POU2AF1: variants seen among roughly 807,000 people sequenced by gnomAD.
POU2AF1 encodes the protein POU domain class 2-associating factor 1.
A neutral mutation model predicts 26.3 loss-of-function variants in POU2AF1; 12 were observed. The ratio of observed to expected loss-of-function variants is 0.46; its 90% CI spans 0.29 to 0.74. The LOEUF (loss-of-function observed/expected upper bound fraction) is 0.74. Among genes scored for constraint, POU2AF1 ranks in the 30% least tolerant of loss-of-function variants. The pLI, the probability that POU2AF1 is intolerant of heterozygous loss-of-function variation, is 0.09. For synonymous variants in POU2AF1, 175 were observed against 148.0 expected (o/e 1.18, Z -1.32); for missense variants, 297 against 334.5 (o/e 0.89, Z 0.87).
chr11:111,358,572 ACACT>A (rs1169386220), intron 2 of POU2AF1, among the ~76,000 whole-genome samples: 37 of 146,202 alleles, frequency 2.5e-4, no homozygotes, highest in South Asian at 8.7e-4. Flanking sequence ...ATACACTCAC[ACACT>A]CACACTCCCT....
chr11:111,372,292 T>C (rs1759265659), intron 1 of POU2AF1, among the ~76,000 whole-genome samples: 1 of 152,098 alleles, frequency 6.6e-6, no homozygotes, highest in African/African-American at 2.4e-5. Context: ...TAAAATATCT[T>C]CAAACTGTCC....
intron 1 of POU2AF1, among the ~76,000 whole-genome samples, chr11:111,374,033 G>T (rs904739147): frequency 6.6e-6 from 1 of 151,656 alleles, no homozygotes; most frequent in East Asian, 1.9e-4. Flanking sequence ...ACTTTGTAAT[G>T]GGAAAGTTAA....
At chr11:111,366,895 A>T (rs1449356406) in intron 1 of POU2AF1, among the ~76,000 whole-genome samples, 1 of 152,144 alleles carries the variant, frequency 6.6e-6, no homozygotes, top group East Asian at 1.9e-4. Context: ...CAGGGCAGTC[A>T]CAGGGATCCC....
chr11:111,358,961 CG>C, intron 1 of POU2AF1, 43 bp from the exon 2 acceptor site: 1 of 1,563,370 alleles, frequency 6.4e-7, no homozygotes, highest in African/African-American at 1.3e-5. Context: ...CCTTCTCAGA[CG>C]AGCCCCCACC....
chr11:111,358,470 A>G (rs1448831355), intron 2 of POU2AF1, among the ~76,000 whole-genome samples: 1 of 60,206 alleles, frequency 1.7e-5, no homozygotes, highest in South Asian at 3.8e-4. Flanking sequence ...TCACACACAT[A>G]CATTCTCACA....
chr11:111,358,366 ACTCACACACTCT>A (rs1860903693), intron 2 of POU2AF1, among the ~76,000 whole-genome samples: 88 of 106,150 alleles, frequency 8.3e-4, no homozygotes, highest in Middle Eastern at 5.5e-3. Flanking sequence ...ACTCTCACAC[ACTCACACACTCT>A]CTCACACACA....
In POU2AF1 at chr11:111,352,957, A is replaced by G. The variant is rs1207831337; in HGVS notation, c.*1304T>C. 1.2e-5 allele frequency: 2 copies of G among 160,618 alleles called. No homozygotes were observed. The highest frequency in any genetic ancestry group is 7.6e-5 in the Admixed American group (1 of 13,114). The allele number at this position is 160,618 out of a possible 1,614,324, so 9.9% of individuals were successfully genotyped here. The stretch of plus-strand genomic sequence containing the variant: ...CAAAAAAAACCAAAAAAAAGAAAGA[A>G]AGAGAGAGGAAGGAAGGAAGGAAGG... On this transcript the variant is annotated 3_prime_UTR_variant, in exon 5 of 5. Coordinates refer to ENST00000393067, the MANE Select transcript of POU2AF1 (RefSeq NM_006235.3).
intron 1 of POU2AF1, among the ~76,000 whole-genome samples, chr11:111,378,207 G>A (rs996599861): frequency 2.6e-5 from 4 of 152,160 alleles, no homozygotes; most frequent in Admixed American, 6.5e-5. Context: ...ATCTTCTTCT[G>A]TAAATCTAGA....
chr11:111,356,377 G>A (rs1353326348), intron 4 of POU2AF1, among the ~76,000 whole-genome samples: 1 of 152,202 alleles, frequency 6.6e-6, no homozygotes, highest in African/African-American at 2.4e-5. Flanking sequence ...GCTTCTGCAG[G>A]CCTTTCATAG....
intron 1 of POU2AF1, among the ~76,000 whole-genome samples, chr11:111,378,868 T>C (rs1399364565): frequency 2.0e-5 from 3 of 152,340 alleles, no homozygotes; most frequent in South Asian, 2.1e-4. Flanking sequence ...CTGCCCTTTC[T>C]TCACCACAGT....
intron 1 of POU2AF1, among the ~76,000 whole-genome samples, chr11:111,360,414 C>T (rs1860983462): frequency 6.6e-6 from 1 of 152,208 alleles, no homozygotes; most frequent in Non-Finnish European, 1.5e-5. Flanking sequence ...CCAGACCTCC[C>T]TCCAGGCTCC....
In POU2AF1 at chr11:111,358,932, T is replaced by A. The variant is rs772334126; in HGVS notation, c.17-14A>T. ...CCGGAGCTGTGGCTGTGAAAAGCAA[T>A]GTCCCTGGAGCCCATGGTCCTTCTC... On this transcript the variant is annotated splice_polypyrimidine_tract_variant and intron_variant, in intron 1 of 4. Coordinates refer to ENST00000393067, the MANE Select transcript of POU2AF1 (RefSeq NM_006235.3). 1.8e-5 allele frequency: 28 copies of A among 1,595,078 alleles called. No homozygotes were observed. In the South Asian group the frequency reaches 2.9e-4, roughly 17 times the overall value.
Position 111,354,083 on chromosome 11 carries a change from A to C in POU2AF1, c.*178T>G, listed in dbSNP as rs2135102658. 11 of 466,460 alleles carry C rather than the reference A, an allele frequency of 2.4e-5. No homozygotes were observed. Among genetic ancestry groups the C allele is most frequent in the Non-Finnish European group, 2.5e-5 (7 of 281,148 alleles). The allele number at this position is 466,460 out of a possible 1,614,324, so 28.9% of individuals were successfully genotyped here. ...ATGGAAGGATGGGGGAGAGGGAGGA[A>C]GTGAGGGAGGGAGGGGAAGGAAGAA... On this transcript the variant is annotated 3_prime_UTR_variant, in exon 5 of 5. Transcript: ENST00000393067.
In POU2AF1 at chr11:111,352,620, CT is replaced by C; in HGVS notation, c.*1640del. On this transcript the variant is annotated 3_prime_UTR_variant, in exon 5 of 5. Transcript: ENST00000393067. Reference sequence around the variant, plus strand: ...TCCACAGAATGGTGGCTTATGGACGCTTTTAAGACACTAAAGAAACCCACAT... The same window carrying C: ...TCCACAGAATGGTGGCTTATGGACGCTTTAAGACACTAAAGAAACCCACAT... The C allele has an allele frequency of 5.6e-6, 1 of 178,884 alleles. No homozygotes were observed. Among genetic ancestry groups the C allele is most frequent in the Non-Finnish European group, 1.2e-5 (1 of 83,358 alleles). 11.1% of individuals were successfully genotyped at this position (178,884 alleles called of 1,614,324 possible).
intron 1 of POU2AF1, among the ~76,000 whole-genome samples, chr11:111,377,226 A>C (rs1308272049): frequency 6.6e-6 from 1 of 151,836 alleles, no homozygotes; most frequent in Non-Finnish European, 1.5e-5. Context: ...ACAAAAAAAA[A>C]AAAAACAGCT....
chr11:111,358,622 A>G (rs1477022351), intron 2 of POU2AF1, among the ~76,000 whole-genome samples, 166 bp downstream of exon 2: 2 of 110,398 alleles, frequency 1.8e-5, no homozygotes, highest in African/African-American at 5.4e-5. Context: ...TGACGCAGAT[A>G]CACATTCTCT....
chr11:111,354,378 C>A lies in POU2AF1; in HGVS notation c.654G>T (p.Gln218His). ...LPISIPEPVL[Q>H]DMEDPRRAAS... ...CGGCTCTTCTGGGGTCTTCCATGTC[C>A]TGAAGGACTGGCTCTGGGATAGAGA... The change falls in exon 5 of 5, where the codon CAG (glutamine) becomes CAT (histidine). Residue 218 changes from glutamine to histidine, a missense_variant. Coordinates refer to ENST00000393067, the MANE Select transcript of POU2AF1 (RefSeq NM_006235.3). 6.2e-7 allele frequency: 1 copy of A among 1,614,202 alleles called. No homozygotes were observed. Among genetic ancestry groups the A allele is most frequent in the Admixed American group, 1.7e-5 (1 of 60,028 alleles).
At chr11:111,364,772 T>G (rs1692667412) in intron 1 of POU2AF1, among the ~76,000 whole-genome samples, 1 of 152,168 alleles carries the variant, frequency 6.6e-6, no homozygotes, top group African/African-American at 2.4e-5. Flanking sequence ...TACTCTCCAT[T>G]CACAACTGAC....
chr11:111,378,881 T>C (rs554531512), intron 1 of POU2AF1, among the ~76,000 whole-genome samples: 3 of 152,302 alleles, frequency 2.0e-5, no homozygotes, highest in Admixed American at 6.5e-5. Flanking sequence ...ACCACAGTGA[T>C]TCATGCACAG....
Sources: gnomAD v4.1 joint callset for allele counts (sites outside exome capture counted in the v4.1 genomes callset) on GRCh38, gnomAD v4.1.1 for gene constraint, MANE v1.5 for transcripts, NCBI Gene and HGNC (gene_info 2026-07-23, HGNC 2026-07-21) for gene names.